N4BP2L2: variants seen among roughly 807,000 people sequenced by gnomAD.
The protein encoded by N4BP2L2 is NEDD4 binding protein 2 like 2.
A neutral mutation model predicts 56.2 loss-of-function variants in N4BP2L2; 50 were observed. The observed-to-expected ratio is 0.89, with a 90% CI of 0.71 to 1.13. The LOEUF is 1.13. Ranked by LOEUF, N4BP2L2 falls within the 50% of genes most tolerant of loss-of-function variation. N4BP2L2 has a pLI of 0.00. For synonymous variants in N4BP2L2, 203 were observed against 223.6 expected (o/e 0.91, Z 0.82); for missense variants, 689 against 693.8 (o/e 0.99, Z 0.08).
intron 6 of N4BP2L2, among the ~76,000 whole-genome samples, chr13:32,502,572 T>C (rs1017808386): frequency 3.9e-5 from 6 of 152,208 alleles, no homozygotes; most frequent in African/African-American, 1.4e-4. Context: ...TAACTCTACA[T>C]TGTAGATTAA....
At chr13:32,449,758 T>C (rs2077605153) in intron 6 of N4BP2L2, among the ~76,000 whole-genome samples, 1 of 152,192 alleles carries the variant, frequency 6.6e-6, no homozygotes, top group South Asian at 2.1e-4. Context: ...ATCTTATAAA[T>C]TTCACTGAGA....
At chr13:32,517,754 A>G (rs1566160824) in exon 6 of N4BP2L2, 6 of 1,600,932 alleles carry the variant, frequency 3.7e-6, no homozygotes, top group Non-Finnish European at 4.3e-6. Context: ...AGGCTCACTA[A>G]CTCTTTTTCA....
exon 9 of N4BP2L2, chr13:32,436,371 A>G (rs2075472847): frequency 3.3e-6 from 4 of 1,218,412 alleles, no homozygotes; most frequent in East Asian, 2.7e-5. Flanking sequence ...AGTTCAAGGA[A>G]TTTTCATTTT....
chr13:32,481,714 A>C (rs2084787345), intron 6 of N4BP2L2, among the ~76,000 whole-genome samples: 1 of 152,154 alleles, frequency 6.6e-6, no homozygotes, highest in African/African-American at 2.4e-5. Context: ...TTCACACCTC[A>C]AATCTTATTT....
At chr13:32,471,415 G>A (rs561776838) in intron 6 of N4BP2L2, among the ~76,000 whole-genome samples, 20 of 152,348 alleles carry the variant, frequency 1.3e-4, no homozygotes, top group African/African-American at 4.6e-4. Context: ...TATATAACCT[G>A]TTTGTGTAAG....
At chr13:32,488,382 A>T (rs1022568967) in intron 6 of N4BP2L2, among the ~76,000 whole-genome samples, 1 of 152,276 alleles carries the variant, frequency 6.6e-6, no homozygotes, top group South Asian at 2.1e-4. Context: ...ATAAATATGG[A>T]AACAAGAGAC....
At chr13:32,530,557 T>C (rs756380948) in intron 2 of N4BP2L2, among the ~76,000 whole-genome samples, 1 of 152,214 alleles carries the variant, frequency 6.6e-6, no homozygotes, top group Non-Finnish European at 1.5e-5. Flanking sequence ...CCACTTGATT[T>C]CTATTTTTTC....
chr13:32,433,641 A>T (rs933043471), intron 9 of N4BP2L2, among the ~76,000 whole-genome samples: 87 of 144,314 alleles, frequency 6.0e-4, no homozygotes, highest in African/African-American at 2.1e-3. Flanking sequence ...ATAATAATAA[A>T]AAAGGCTGGG....
At chr13:32,532,474 C>A (rs1210345734) in intron 2 of N4BP2L2, among the ~76,000 whole-genome samples, 1 of 151,902 alleles carries the variant, frequency 6.6e-6, no homozygotes, top group African/African-American at 2.4e-5. Context: ...GACTGACAAT[C>A]AAATATCCTA....
chr13:32,525,082 A>G (rs2052308276), intron 3 of N4BP2L2: 1 of 151,992 alleles, frequency 6.6e-6, no homozygotes, highest in South Asian at 2.1e-4. Context: ...CTGCAAAGAG[A>G]AAAAAAATGT....
downstream of N4BP2L2, chr13:32,506,389 T>TGGGAGTGG (rs1192720155): frequency 6.6e-6 from 1 of 152,146 alleles, no homozygotes; most frequent in Non-Finnish European, 1.5e-5. Flanking sequence ...TGTCTGTGTG[T>TGGGAGTGG]GGGAGTGGGG....
chr13:32,452,619 A>G (rs1312726896), intron 6 of N4BP2L2, among the ~76,000 whole-genome samples: 1 of 152,224 alleles, frequency 6.6e-6, no homozygotes, highest in Admixed American at 6.5e-5. Context: ...AAACACATCT[A>G]AAAGCTTTTT....
intron 6 of N4BP2L2, among the ~76,000 whole-genome samples, chr13:32,489,896 T>A (rs538961762): frequency 6.6e-6 from 1 of 152,284 alleles, no homozygotes; most frequent in East Asian, 1.9e-4. Context: ...TATGTTATCA[T>A]ATAATAAACA....
exon 6 of N4BP2L2, chr13:32,517,899 T>A (rs777130135): frequency 4.3e-6 from 7 of 1,614,164 alleles, no homozygotes; most frequent in Non-Finnish European, 5.1e-6. Flanking sequence ...TGTGCTTTTG[T>A]GTGATGGTTC....
intron 6 of N4BP2L2, among the ~76,000 whole-genome samples, chr13:32,473,078 C>T (rs575448883): frequency 3.3e-5 from 5 of 152,014 alleles, no homozygotes; most frequent in South Asian, 4.2e-4. Flanking sequence ...GTCAGGAGTT[C>T]GAGACCAGCC....
At position 32,436,816 on chromosome 13, in the gene N4BP2L2, GAAGA is replaced by G. The variant is rs369655778; in HGVS notation, c.2191-415_2191-412del. Among the ~76,000 whole-genome samples, 179 of 128,794 alleles carry G rather than the reference GAAGA, an allele frequency of 1.4e-3. 1 individual carries two copies. The highest frequency in any genetic ancestry group is 2.0e-3 in the Admixed American group (22 of 11,120). 84.5% of individuals were successfully genotyped at this position (128,794 alleles called of 152,430 possible). A position where few individuals can be genotyped will look rare whatever the true frequency, so the allele number is the denominator to read the frequency against. ...AAAAAAAAAAAAAAAAAAAAGAAAG[GAAGA>G]AAGAAAGAAAGAAAGAAAACACCTA... On this transcript the variant is annotated intron_variant, in intron 8 of 9. Coordinates refer to the N4BP2L2 transcript ENST00000357505.
At chr13:32,476,686 A>G (rs2083382704) in intron 6 of N4BP2L2, among the ~76,000 whole-genome samples, 1 of 152,204 alleles carries the variant, frequency 6.6e-6, no homozygotes, top group Non-Finnish European at 1.5e-5. Flanking sequence ...AACAGAATAC[A>G]TTGGAAACAT....
At chr13:32,458,676 G>C (rs572211568) in intron 6 of N4BP2L2, among the ~76,000 whole-genome samples, 15 of 152,066 alleles carry the variant, frequency 9.9e-5, no homozygotes, top group Non-Finnish European at 1.9e-4. Flanking sequence ...ATAGACTCTA[G>C]AACAATAATA....
At chr13:32,523,228 T>C (rs932940642) in intron 3 of N4BP2L2, 3 of 151,824 alleles carry the variant, frequency 2.0e-5, no homozygotes, top group Non-Finnish European at 4.4e-5. Flanking sequence ...TCATCTCTAT[T>C]AAAAATAAAA....
Sources: allele counts gnomAD v4.1 joint callset (sites outside exome capture counted in the v4.1 genomes callset), GRCh38; gene constraint gnomAD v4.1.1; transcripts MANE v1.5; gene names NCBI Gene and HGNC (gene_info 2026-07-23, HGNC 2026-07-21).